Variants in ZNF322 observed in about 807,000 individuals in gnomAD.
The protein encoded by ZNF322 is HLA complex group 12.
ZNF322 carries 1 observed loss-of-function variant against 18.3 expected under a neutral mutation model. The ratio of observed to expected loss-of-function variants is 0.05; its 90% CI spans 0.02 to 0.26. The LOEUF is 0.26. ZNF322 is among the 10% of genes least tolerant of loss of function. The pLI is 1.00. For synonymous variants in ZNF322, 17 were observed against 130.7 expected, an observed-to-expected ratio of 0.13 and a Z score of 5.93; for missense variants, 36 against 403.6, an observed-to-expected ratio of 0.09 and a Z score of 7.80.
chr6:26,652,280 G>A (rs1194996802), intron 2 of ZNF322, among the ~76,000 whole-genome samples: 1 of 152,158 alleles, frequency 6.6e-6, no homozygotes, highest in Admixed American at 6.5e-5. Flanking sequence ...GAAAATATTT[G>A]CAGAAGACAC....
intron 3 of ZNF322, among the ~76,000 whole-genome samples, chr6:26,639,141 G>C (rs1309249243): frequency 1.3e-5 from 2 of 152,188 alleles, no homozygotes; most frequent in Non-Finnish European, 2.9e-5. Flanking sequence ...CAAGTGACCA[G>C]AGAGAAAAGT....
Position 26,648,264 on chromosome 6 carries a change from A to G in ZNF322, c.-245-4536T>C, listed in dbSNP as rs571924481. On this transcript the variant is annotated intron_variant, in intron 2 of 3. Transcript: ENST00000415922. ...GAAAGAACCTGCAACAGAAATCAAC[A>G]TCTATTCTGGATAAAAACACTCAAG... is the stretch of plus-strand genomic sequence containing the variant. Among the ~76,000 whole-genome samples the G allele has an allele frequency of 2.8e-4, 42 of 152,332 alleles. 1 individual carries two copies. The South Asian group carries it at 7.9e-3, about 29-fold the overall frequency.
chr6:26,657,998 G>T (rs1554149862), intron 2 of ZNF322, among the ~76,000 whole-genome samples: 1 of 152,032 alleles, frequency 6.6e-6, no homozygotes, highest in East Asian at 2.0e-4. Flanking sequence ...TCCTTAAAGG[G>T]TATATGGGAC....
At chr6:26,650,700 A>AAAAAT (rs1376013083) in intron 2 of ZNF322, among the ~76,000 whole-genome samples, 12 of 152,348 alleles carry the variant, frequency 7.9e-5, no homozygotes, top group African/African-American at 2.9e-4. Context: ...TAACACTCTA[A>AAAAAT]AAAATAAAAC....
chr6:26,654,224 A>C (rs1201054711), intron 2 of ZNF322, among the ~76,000 whole-genome samples: 1 of 152,218 alleles, frequency 6.6e-6, no homozygotes, highest in East Asian at 1.9e-4. Context: ...TACCAGTATA[A>C]GTCAAGATTT....
At chr6:26,655,973 G>A (rs2113677143) in intron 2 of ZNF322, among the ~76,000 whole-genome samples, 1 of 152,272 alleles carries the variant, frequency 6.6e-6, no homozygotes, top group East Asian at 1.9e-4. Context: ...GCCCAAAACA[G>A]ACTAAAACGT....
rs200819052 is a variant in ZNF322 at position 26,658,080 on chromosome 6, TCA to T, written c.-246+476_-246+477del. On this transcript the variant is annotated intron_variant, in intron 2 of 3. Coordinates refer to ENST00000415922, the MANE Select transcript of ZNF322 (RefSeq NM_024639.5). ...TATAGGCCTTAGACTTGGAAATTTC[TCA>T]TTTATTTTTCATTGATTACATGGAT... Among the ~76,000 whole-genome samples the T allele has an allele frequency of 1.2e-3, 190 of 152,258 alleles. 10 individuals are homozygous for T. The East Asian group carries it at 0.023, about 19-fold the overall frequency.
intron 2 of ZNF322, among the ~76,000 whole-genome samples, chr6:26,647,351 AGAC>A (rs1339832598): frequency 6.6e-6 from 1 of 152,186 alleles, no homozygotes; most frequent in Non-Finnish European, 1.5e-5. Flanking sequence ...GAGAACAAAA[AGAC>A]AGTAAATCTA....
chr6:26,640,085 C>G (rs536830657), intron 3 of ZNF322, among the ~76,000 whole-genome samples: 41 of 152,262 alleles, frequency 2.7e-4, no homozygotes, highest in African/African-American at 9.6e-4. Flanking sequence ...TATTTCTCTT[C>G]TCAAAAACAA....
At chr6:26,641,384 G>A (rs1554148281) in intron 3 of ZNF322, among the ~76,000 whole-genome samples, 1 of 152,098 alleles carries the variant, frequency 6.6e-6, no homozygotes, top group East Asian at 1.9e-4. Context: ...GGAGAAAAAT[G>A]CACTGCAAGG....
At chr6:26,644,146 A>C (rs1168808466) in intron 2 of ZNF322, among the ~76,000 whole-genome samples, 2 of 152,248 alleles carry the variant, frequency 1.3e-5, no homozygotes, top group South Asian at 2.1e-4. Context: ...AACCCACGTA[A>C]TCATCACAAT....
At chr6:26,654,689 A>G (rs1353642052) in intron 2 of ZNF322, among the ~76,000 whole-genome samples, 4 of 152,176 alleles carry the variant, frequency 2.6e-5, no homozygotes, top group African/African-American at 7.2e-5. Context: ...TGCATTAGAA[A>G]AGCAAACAAA....
intron 2 of ZNF322, among the ~76,000 whole-genome samples, chr6:26,655,160 T>C (rs1765745711): frequency 6.6e-6 from 1 of 152,202 alleles, no homozygotes; most frequent in African/African-American, 2.4e-5. Flanking sequence ...GGGACAACAT[T>C]ATAATTAAAT....
At position 26,638,360 on chromosome 6, in the gene ZNF322, T is replaced by C. The variant is rs1554148001; in HGVS notation, c.194A>G (p.His65Arg). 6.2e-7 allele frequency: 1 copy of C among 1,613,884 alleles called. No homozygotes were observed. Among genetic ancestry groups the C allele is most frequent in the Admixed American group, 1.7e-5 (1 of 60,010 alleles). The change falls in exon 4 of 4, where the codon CAT becomes CGT. Residue 65 changes from histidine to arginine, a missense_variant. Coordinates refer to ENST00000415922, the MANE Select transcript of ZNF322 (RefSeq NM_024639.5). ...NLALIMCERT[H>R]TGEKPYKCDM... is the part of the protein sequence containing the mutation. ...ACATTTATAAGGTTTCTCCCCAGTATGGGTTCTCTCACACATAATAAGAGC... is the reference window on the plus strand; with the variant it reads ...ACATTTATAAGGTTTCTCCCCAGTACGGGTTCTCTCACACATAATAAGAGC...
At chr6:26,645,595 T>C (rs1400789957) in intron 2 of ZNF322, among the ~76,000 whole-genome samples, 2 of 152,072 alleles carry the variant, frequency 1.3e-5, no homozygotes, top group African/African-American at 4.8e-5. Context: ...CAGGTGAGAA[T>C]TAAAGTACAC....
intron 2 of ZNF322, among the ~76,000 whole-genome samples, chr6:26,648,577 G>A (rs1201678576): frequency 6.6e-6 from 1 of 152,072 alleles, no homozygotes; most frequent in Non-Finnish European, 1.5e-5. Flanking sequence ...AAATGATAAA[G>A]GAATTCAGTA....
intron 2 of ZNF322, chr6:26,651,372 T>A (rs1398626699): frequency 6.6e-6 from 1 of 151,890 alleles, no homozygotes; most frequent in African/African-American, 2.4e-5. Flanking sequence ...CACTTACATA[T>A]GGAGTATAAA....
Position 26,659,507 on chromosome 6 carries a change from A to G in ZNF322, c.-401T>C, listed in dbSNP as rs1380322171. 1 of 166,640 alleles carries G rather than the reference A, an allele frequency of 6.0e-6. No homozygotes were observed. The highest frequency in any genetic ancestry group is 1.5e-5 in the Non-Finnish European group (1 of 68,118). The allele number at this position is 166,640 out of a possible 1,614,324, so 10.3% of individuals were successfully genotyped here. A position where few individuals can be genotyped will look rare whatever the true frequency, so the allele number is the denominator to read the frequency against. On this transcript the variant is annotated 5_prime_UTR_variant, in exon 1 of 4. Transcript: ENST00000415922. The stretch of plus-strand genomic sequence containing the variant: ...CTTCCGGTTACTCTCCGGACACTCG[A>G]ATCTGGGCTTCCTGGCGGCCGCAGA...
intron 2 of ZNF322, among the ~76,000 whole-genome samples, chr6:26,652,344 A>T (rs1271897471): frequency 6.6e-6 from 1 of 152,180 alleles, no homozygotes; most frequent in Admixed American, 6.5e-5. Context: ...AATATACAAA[A>T]ATATACATAT....
Sources: allele counts gnomAD v4.1 joint callset (sites outside exome capture counted in the v4.1 genomes callset), GRCh38; gene constraint gnomAD v4.1.1; transcripts MANE v1.5; gene names NCBI Gene and HGNC (gene_info 2026-07-23, HGNC 2026-07-21).